Variants in GTF2F2 observed in about 807,000 individuals in gnomAD.
GTF2F2 encodes the protein general transcription factor IIF subunit 2.
Under a neutral mutation model 42.2 loss-of-function variants are expected in GTF2F2, and 23 were observed. The observed-to-expected ratio is 0.55, with a 90% confidence interval of 0.39 to 0.77. The LOEUF (loss-of-function observed/expected upper bound fraction) is 0.77, where lower values mean the gene tolerates loss of function less well. Ranked by LOEUF, GTF2F2 falls within the 30% of genes least tolerant of loss-of-function variation. The pLI, the probability that GTF2F2 is intolerant of heterozygous loss-of-function variation, is 0.00. For missense variants in GTF2F2, 261 were observed against 287.2 expected (o/e 0.91, Z 0.66); for synonymous variants, 105 against 100.8 (o/e 1.04, Z -0.25).
chr13:45,155,816 CTG>C (rs1455000133), intron 4 of GTF2F2, among the ~76,000 whole-genome samples: 32 of 152,160 alleles, frequency 2.1e-4, no homozygotes, highest in Non-Finnish European at 4.4e-4. Context: ...ACCCTTATCT[CTG>C]TGGAAATACC....
At chr13:45,191,114 G>A (rs1026388622) in intron 4 of GTF2F2, among the ~76,000 whole-genome samples, 5 of 149,728 alleles carry the variant, frequency 3.3e-5, no homozygotes, top group African/African-American at 1.2e-4. Context: ...GCTCACGCCT[G>A]TAATCATAGC....
intron 2 of GTF2F2, among the ~76,000 whole-genome samples, chr13:45,143,805 G>A (rs1191739488): frequency 6.6e-6 from 1 of 152,202 alleles, no homozygotes; most frequent in East Asian, 1.9e-4. Flanking sequence ...GGAGAGTCCA[G>A]TTGTGAATAA....
At chr13:45,275,960 A>G (rs937399566) in intron 7 of GTF2F2, among the ~76,000 whole-genome samples, 5 of 152,210 alleles carry the variant, frequency 3.3e-5, no homozygotes, top group African/African-American at 1.2e-4. Context: ...CCTCTCCAGC[A>G]TCTTTTTTTA....
chr13:45,247,175 C>T (rs759133946), intron 5 of GTF2F2, among the ~76,000 whole-genome samples: 29 of 151,816 alleles, frequency 1.9e-4, no homozygotes, highest in South Asian at 4.2e-4. Flanking sequence ...CATTGCAAAA[C>T]CCTGTCTCTA....
intron 4 of GTF2F2, among the ~76,000 whole-genome samples, chr13:45,164,025 G>T (rs910354021): frequency 5.3e-5 from 8 of 151,956 alleles, no homozygotes; most frequent in Admixed American, 3.3e-4. Flanking sequence ...GTGGTGGTGC[G>T]CATCTATAAT....
chr13:45,212,005 C>T (rs566475094), intron 5 of GTF2F2, among the ~76,000 whole-genome samples: 1 of 152,168 alleles, frequency 6.6e-6, no homozygotes, highest in East Asian at 1.9e-4. Context: ...TATGCGCACG[C>T]ACACACACAG....
At position 45,244,531 on chromosome 13, in the gene GTF2F2, C is replaced by G. The variant is rs116033347; in HGVS notation, c.387-8340C>G. On this transcript the variant is annotated intron_variant, in intron 5 of 7. Transcript: ENST00000340473. Reference sequence around the variant, plus strand: ...TTTTTTTGATGGGAAAAAATATGAGCTTAAACTTACTCTTTAGATAATAAT... The same window carrying G: ...TTTTTTTGATGGGAAAAAATATGAGGTTAAACTTACTCTTTAGATAATAAT... Among the ~76,000 whole-genome samples the G allele has an allele frequency of 3.0e-3, 462 of 152,182 alleles. 3 individuals are homozygous for G. Among genetic ancestry groups the G allele is most frequent in the African/African-American group, 0.01 (435 of 41,512 alleles).
chr13:45,203,795 G>A (rs1439137779), intron 4 of GTF2F2, among the ~76,000 whole-genome samples: 4 of 152,172 alleles, frequency 2.6e-5, no homozygotes, highest in Non-Finnish European at 4.4e-5. Context: ...GCAGGCAGTT[G>A]AGAGCCTTTG....
intron 4 of GTF2F2, among the ~76,000 whole-genome samples, chr13:45,188,696 A>G (rs906351344): frequency 6.6e-6 from 1 of 152,222 alleles, no homozygotes; most frequent in African/African-American, 2.4e-5. Flanking sequence ...TCATGTAAGC[A>G]AGTTAGTGGA....
At chr13:45,231,658 G>T (rs1874692132) in intron 5 of GTF2F2, among the ~76,000 whole-genome samples, 1 of 152,062 alleles carries the variant, frequency 6.6e-6, no homozygotes, top group Non-Finnish European at 1.5e-5. Context: ...TCCTTGAAAG[G>T]GTGACTACTC....
chr13:45,126,408 C>A (rs1869005405), intron 1 of GTF2F2, among the ~76,000 whole-genome samples: 1 of 152,016 alleles, frequency 6.6e-6, no homozygotes, highest in Non-Finnish European at 1.5e-5. Flanking sequence ...TGCACCACGA[C>A]TCCTGGCTAA....
intron 5 of GTF2F2, among the ~76,000 whole-genome samples, chr13:45,244,430 T>C (rs1875482173): frequency 6.6e-6 from 1 of 152,218 alleles, no homozygotes; most frequent in Non-Finnish European, 1.5e-5. Flanking sequence ...GTAAGTGTTC[T>C]TTAAATGTTT....
chr13:45,239,748 A>G (rs1443441353), intron 5 of GTF2F2, among the ~76,000 whole-genome samples: 1 of 152,252 alleles, frequency 6.6e-6, no homozygotes, highest in Non-Finnish European at 1.5e-5. Context: ...TGTGGACATT[A>G]TATATTTTCT....
chr13:45,161,542 T>C (rs1871036193), intron 4 of GTF2F2, among the ~76,000 whole-genome samples: 1 of 152,130 alleles, frequency 6.6e-6, no homozygotes, highest in East Asian at 1.9e-4. Context: ...TGTTTATTGT[T>C]GGTTTTAAGA....
chr13:45,193,691 G>T, intron 4 of GTF2F2: 1 of 1,134,422 alleles, frequency 8.8e-7, no homozygotes, highest in Non-Finnish European at 1.3e-6. Context: ...CTGTAGTACA[G>T]AGCTAGCTGG....
intron 5 of GTF2F2, among the ~76,000 whole-genome samples, chr13:45,230,611 T>C (rs1566143427): frequency 6.6e-6 from 1 of 152,252 alleles, no homozygotes; most frequent in Non-Finnish European, 1.5e-5. Context: ...CTGGTAGTTT[T>C]ATGAAAAGTC....
At position 45,182,642 on chromosome 13, in the gene GTF2F2, C is replaced by T. The variant is rs564769217; in HGVS notation, c.305-24782C>T. ...TGATGTAAAAATAGTCTCCCTCCTC[C>T]GATTTGCTTAAAGGTAGTCTACTTT... On this transcript the variant is annotated intron_variant, in intron 4 of 7. Transcript: ENST00000340473. Among the ~76,000 whole-genome samples the T allele has an allele frequency of 3.9e-5, 6 of 152,162 alleles. No homozygotes were observed. In the South Asian group the frequency reaches 6.2e-4, roughly 16 times the overall value.
intron 5 of GTF2F2, among the ~76,000 whole-genome samples, chr13:45,248,938 C>T (rs1326215782): frequency 1.3e-5 from 2 of 152,114 alleles, no homozygotes. Context: ...GTCAGGGTAG[C>T]CTTTTAGCTT....
intron 2 of GTF2F2, among the ~76,000 whole-genome samples, chr13:45,148,090 A>G (rs969826236): frequency 1.3e-5 from 2 of 152,230 alleles, no homozygotes; most frequent in African/African-American, 4.8e-5. Context: ...TAGTGGACAT[A>G]TAGTAGACCC....
Sources: gnomAD v4.1 joint callset for allele counts (sites outside exome capture counted in the v4.1 genomes callset) on GRCh38, gnomAD v4.1.1 for gene constraint, MANE v1.5 for transcripts, NCBI Gene and HGNC (gene_info 2026-07-23, HGNC 2026-07-21) for gene names.